GSE1: variants seen among roughly 807,000 people sequenced by gnomAD.
GSE1 encodes the protein genetic suppressor element 1.
In GSE1, 32 loss-of-function variants were observed where a neutral mutation model predicts 112.6. That is an observed-to-expected ratio of 0.28 (90% CI 0.21 to 0.38). The LOEUF (loss-of-function observed/expected upper bound fraction) is 0.38. Among genes scored for constraint, GSE1 ranks in the 10% least tolerant of loss-of-function variants. GSE1 has a pLI of 1.00. For missense variants in GSE1, 2,348 were observed against 1,699.2 expected (o/e 1.38, Z -6.71); for synonymous variants, 1,115 against 735.6 (o/e 1.52, Z -8.35).
chr16:85,275,999 C>T (rs988045952), intron 1 of GSE1, among the ~76,000 whole-genome samples: 1 of 152,218 alleles, frequency 6.6e-6, no homozygotes, highest in African/African-American at 2.4e-5. Flanking sequence ...CCCCTCCCAG[C>T]GATGGGCAAA....
chr16:85,668,328 G>C lies in GSE1; in HGVS notation c.3319G>C (p.Glu1107Gln). ...CCGGGACTCGGAGGAGGAGGAAGAG[G>C]AGGATGATGAAGATGGAGAAGATGA... ...LDRDSEEEEE[E>Q]DDEDGEDEEE... The change falls in exon 14 of 16, where the codon GAG (glutamate) becomes CAG (glutamine). Residue 1107 changes from glutamate to glutamine, a missense_variant. Glu to Gln is a conservative substitution (Grantham distance 29, BLOSUM62 2). Coordinates refer to ENST00000253458, the MANE Select transcript of GSE1 (RefSeq NM_014615.5). 6.2e-7 allele frequency: 1 copy of C among 1,613,232 alleles called. No homozygotes were observed. Among genetic ancestry groups the C allele is most frequent in the Non-Finnish European group, 8.5e-7 (1 of 1,179,316 alleles).
chr16:85,620,590 C>T (rs765968757), intron 1 of GSE1, among the ~76,000 whole-genome samples: 2 of 152,232 alleles, frequency 1.3e-5, no homozygotes, highest in Non-Finnish European at 2.9e-5. Context: ...TCGTCTCTGC[C>T]GCCCGTCGGG....
At chr16:85,613,445 C>A in intron 1 of GSE1, 47 bp downstream of exon 1, 16 of 1,494,652 alleles carry the variant, frequency 1.1e-5, no homozygotes, top group Non-Finnish European at 1.4e-5. Flanking sequence ...CCCCCTCCCC[C>A]CACCGCACTG....
At chr16:85,531,164 G>A (rs2044122921) in intron 2 of GSE1, among the ~76,000 whole-genome samples, 1 of 152,268 alleles carries the variant, frequency 6.6e-6, no homozygotes, top group Non-Finnish European at 1.5e-5. Flanking sequence ...AAAGTGGGAA[G>A]GGGACATGGG....
intron 3 of GSE1, among the ~76,000 whole-genome samples, chr16:85,652,679 C>T (rs1006399248): frequency 3.9e-5 from 6 of 152,280 alleles, no homozygotes; most frequent in East Asian, 1.9e-4. Context: ...GCCGGGTCAC[C>T]GTCTGCCGCT....
At position 85,546,923 on chromosome 16, in the gene GSE1, G is replaced by T. The variant is rs143745393; in HGVS notation, c.2465-86991G>T. 6.6e-5 allele frequency among the ~76,000 whole-genome samples: 10 copies of T among 152,334 alleles called. No homozygotes were observed. In the East Asian group the frequency reaches 1.7e-3, roughly 26 times the overall value. Reference sequence around the variant, plus strand: ...GCCACTTCCCCGGGCAGATGGCCACGTCCGATGATCTCCGGGGGCCAGGCT... The same window carrying T: ...GCCACTTCCCCGGGCAGATGGCCACTTCCGATGATCTCCGGGGGCCAGGCT... On this transcript the variant is annotated intron_variant, in intron 2 of 2. Coordinates refer to the GSE1 transcript ENST00000637419.
chr16:85,235,019 C>A (rs1376836262), intron 1 of GSE1, among the ~76,000 whole-genome samples: 3 of 151,936 alleles, frequency 2.0e-5, no homozygotes, highest in Non-Finnish European at 4.4e-5. Context: ...TCCTCGCATC[C>A]CCAGGACCCT....
rs537211251 is a variant in GSE1 at position 85,645,819 on chromosome 16, C to T, written c.227-2733C>T. ...CATCTACCTGCTTCTACCACGCATTCTACCTGCTTCTACCACGCTTCCTAT... is the reference window on the plus strand; with the variant it reads ...CATCTACCTGCTTCTACCACGCATTTTACCTGCTTCTACCACGCTTCCTAT... On this transcript the variant is annotated intron_variant, in intron 2 of 15. Coordinates refer to ENST00000253458, the MANE Select transcript of GSE1 (RefSeq NM_014615.5). Among the ~76,000 whole-genome samples, 8 of 152,280 alleles carry T rather than the reference C, an allele frequency of 5.3e-5. No individual in the cohort carries two copies. The South Asian group carries it at 1.7e-3, about 32-fold the overall frequency.
intron 7 of GSE1, 74 bp from the exon 8 acceptor site, chr16:85,657,203 G>C: frequency 1.9e-6 from 2 of 1,046,324 alleles, no homozygotes; most frequent in Non-Finnish European, 2.8e-6. Context: ...TGGGCAGTTG[G>C]GTGAGAGAGG....
intron 2 of GSE1, among the ~76,000 whole-genome samples, chr16:85,510,134 C>G (rs566032821): frequency 6.6e-6 from 1 of 152,354 alleles, no homozygotes; most frequent in Non-Finnish European, 1.5e-5. Context: ...TCAGGGCTCC[C>G]TGCCTGCCCC....
At chr16:85,244,101 G>A (rs1219145553) in intron 1 of GSE1, among the ~76,000 whole-genome samples, 1 of 152,178 alleles carries the variant, frequency 6.6e-6, no homozygotes, top group Non-Finnish European at 1.5e-5. Flanking sequence ...ACTCCAGCTT[G>A]GGCAACAAGA....
At chr16:85,246,766 G>A (rs1179807250) in intron 1 of GSE1, among the ~76,000 whole-genome samples, 3 of 152,036 alleles carry the variant, frequency 2.0e-5, no homozygotes, top group African/African-American at 7.2e-5. Context: ...CAATGAAATG[G>A]GCACCCTCTG....
At chr16:85,517,032 C>G (rs956667660) in intron 2 of GSE1, among the ~76,000 whole-genome samples, 4 of 152,200 alleles carry the variant, frequency 2.6e-5, no homozygotes, top group African/African-American at 9.7e-5. Context: ...CTCCTGATCT[C>G]ATGATCCAGC....
intron 2 of GSE1, among the ~76,000 whole-genome samples, chr16:85,646,620 A>AG: frequency 6.6e-6 from 1 of 152,102 alleles, no homozygotes; most frequent in Non-Finnish European, 1.5e-5. Flanking sequence ...GTGTCAGGGA[A>AG]GGGGGCTTGG....
At chr16:85,437,364 T>TC (rs918497476) in intron 2 of GSE1, among the ~76,000 whole-genome samples, 35 of 152,154 alleles carry the variant, frequency 2.3e-4, no homozygotes, top group African/African-American at 7.0e-4. Flanking sequence ...AAGGCTTTTT[T>TC]CCCTCTTCTC....
At chr16:85,608,008 T>C (rs1163036942), upstream of GSE1, among the ~76,000 whole-genome samples, 1 of 152,162 alleles carries the variant, frequency 6.6e-6, no homozygotes, top group Non-Finnish European at 1.5e-5. Flanking sequence ...CCCCCATGAT[T>C]TCAGACCCAC....
chr16:85,454,618 A>C (rs1275961911), intron 2 of GSE1, among the ~76,000 whole-genome samples: 2 of 152,240 alleles, frequency 1.3e-5, no homozygotes, highest in Non-Finnish European at 2.9e-5. Context: ...GAGACGTCCA[A>C]AGTCAAGGTG....
chr16:85,541,982 C>T (rs1006872308), intron 2 of GSE1, among the ~76,000 whole-genome samples: 2 of 152,158 alleles, frequency 1.3e-5, no homozygotes, highest in South Asian at 2.1e-4. Context: ...TCCTTGCCCT[C>T]GGGGTAGAGA....
At chr16:85,515,637 CG>C (rs1280986399) in intron 2 of GSE1, among the ~76,000 whole-genome samples, 9 of 77,204 alleles carry the variant, frequency 1.2e-4, no homozygotes, top group Admixed American at 6.2e-4. Context: ...CTGAACAGGT[CG>C]GGGGGCGTGG....
Sources: allele counts gnomAD v4.1 joint callset (sites outside exome capture counted in the v4.1 genomes callset), GRCh38; gene constraint gnomAD v4.1.1; transcripts MANE v1.5; gene names NCBI Gene and HGNC (gene_info 2026-07-23, HGNC 2026-07-21).